The following CAVIN2 variants were observed in gnomAD, a reference collection of about 807,000 sequenced individuals.
CAVIN2 encodes caveolae associated protein 2.
CAVIN2 carries 13 observed loss-of-function variants against 11.7 expected under a neutral mutation model. The ratio of observed to expected loss-of-function variants is 1.11; its 90% CI spans 0.72 to 1.77. The LOEUF (loss-of-function observed/expected upper bound fraction) is 1.77. Among genes scored for constraint, CAVIN2 ranks in the 40% most tolerant of loss-of-function variants. The pLI is 0.00. For synonymous variants in CAVIN2, 237 were observed against 223.2 expected, an observed-to-expected ratio of 1.06 and a Z score of -0.55; for missense variants, 549 against 542.9, an observed-to-expected ratio of 1.01 and a Z score of -0.11.
Position 191,835,961 on chromosome 2 carries a change from C to T in CAVIN2, c.1240G>A (p.Val414Met), listed in dbSNP as rs1209249771. 6 of 1,613,670 alleles carry T rather than the reference C, an allele frequency of 3.7e-6. No homozygotes were observed. The highest frequency in any genetic ancestry group is 5.1e-6 in the Non-Finnish European group (6 of 1,179,980). The change falls in exon 2 of 2, where the codon GTG becomes ATG. Residue 414 changes from valine (V) to methionine (M), a missense_variant. Physicochemically the swap from Val to Met is conservative, Grantham distance 21 (BLOSUM62 1). Coordinates refer to ENST00000304141, the MANE Select transcript of CAVIN2 (RefSeq NM_004657.6). ...EEAERSDGDP[V>M]QPAVLQVHQT... ...TGCACCTGGAGCACGGCGGGCTGCA[C>T]GGGGTCCCCATCGGAGCGCTCCGCC...
Position 191,846,655 on chromosome 2 carries a change from T to A in CAVIN2, c.271A>T (p.Lys91Ter). The A allele has an allele frequency of 6.2e-7, 1 of 1,614,192 alleles. No individual in the cohort carries two copies. The highest frequency in any genetic ancestry group is 8.5e-7 in the Non-Finnish European group (1 of 1,180,022). Residue 91 changes from lysine (K) to a stop codon, truncating the protein, a stop_gained, in exon 1 of 2, where the codon AAG becomes TAG. Transcript: ENST00000304141. LOFTEE classifies it high-confidence loss of function. ...TTGGTGAGGTCATTCTGGATGCCCT[T>A]CACGGAGCCCTCCAAACTGATCTGT... ...QRQISLEGSVKGIQNDLTKLS... is the reference protein window; with the variant it reads ...QRQISLEGSV
At chr2:191,845,486 G>A (rs916700019) in intron 1 of CAVIN2, among the ~76,000 whole-genome samples, 2 of 152,198 alleles carry the variant, frequency 1.3e-5, no homozygotes, top group Non-Finnish European at 2.9e-5. Context: ...CAGCCCTGGA[G>A]CGAGGATGGC....
At position 191,846,837 on chromosome 2, in the gene CAVIN2, G is replaced by C. The variant is rs1690176150; in HGVS notation, c.89C>G (p.Pro30Arg). The change falls in exon 1 of 2, where the codon CCT becomes CGT. Residue 30 changes from proline (P) to arginine (R), a missense_variant. Pro to Arg is a moderately radical substitution (Grantham distance 103, BLOSUM62 -2). Transcript: ENST00000304141. ...CAGGCTGGGGCTTGGTGTGGAGGAA[G>C]GCATCGGGCTGGGGCTCGAGGGCTT... is the stretch of plus-strand genomic sequence containing the variant. ...QEKPSSPSPM[P>R]SSTPSPSLNL... 1.9e-6 allele frequency: 3 copies of C among 1,614,254 alleles called. No homozygotes were observed. The highest frequency in any genetic ancestry group is 2.5e-6 in the Non-Finnish European group (3 of 1,180,038).
rs1329260145 is a variant in CAVIN2, at chr2:191,846,831, G to A, written c.95C>T (p.Ser32Phe). 1.9e-6 allele frequency: 3 copies of A among 1,614,220 alleles called. No individual in the cohort carries two copies. In the South Asian group the frequency reaches 3.3e-5, roughly 18 times the overall value. ...TAGGTTCAGGCTGGGGCTTGGTGTG[G>A]AGGAAGGCATCGGGCTGGGGCTCGA... Reference protein sequence around the residue: ...KPSSPSPMPSSTPSPSLNLGN... With the variant: ...KPSSPSPMPSFTPSPSLNLGN... The change falls in exon 1 of 2, where the codon TCC becomes TTC. Residue 32 changes from serine to phenylalanine, a missense_variant. Ser to Phe is a radical substitution (Grantham distance 155, BLOSUM62 -2). Coordinates refer to ENST00000304141, the MANE Select transcript of CAVIN2 (RefSeq NM_004657.6).
At position 191,834,938 on chromosome 2, in the gene CAVIN2, T is replaced by C. The variant is rs1689990319; in HGVS notation, c.*985A>G. 1 of 152,014 alleles carries C rather than the reference T, an allele frequency of 6.6e-6. No homozygotes were observed. The allele number at this position is 152,014 out of a possible 1,614,324, so 9.4% of individuals were successfully genotyped here. A position where few individuals can be genotyped will look rare whatever the true frequency, so the allele number is the denominator to read the frequency against. Reference sequence around the variant, plus strand: ...AGCTAAGTTTCCACAAAACAGTATATATTAATTGTATTTTGAAGATTTATA... The same window carrying C: ...AGCTAAGTTTCCACAAAACAGTATACATTAATTGTATTTTGAAGATTTATA... On this transcript the variant is annotated 3_prime_UTR_variant, in exon 2 of 2. Transcript: ENST00000304141.
rs116535615 is a variant in CAVIN2, at chr2:191,846,545, C to T, written c.381G>A (p.Ala127=). 2.5e-6 allele frequency: 4 copies of T among 1,614,224 alleles called. No homozygotes were observed. The highest frequency in any genetic ancestry group is 2.2e-5 in the East Asian group (1 of 44,886). The part of the protein sequence containing the change: ...KSRKVSAHTR[A]VKERMDRQCA... ...ACTGCCTATCCATGCGCTCTTTGACCGCGCGCGTGTGGGCGCTGACCTTGC... is the reference window on the plus strand; with the variant it reads ...ACTGCCTATCCATGCGCTCTTTGACTGCGCGCGTGTGGGCGCTGACCTTGC... The change falls in exon 1 of 2, where the codon GCG becomes GCA. Residue 127 remains alanine (A), a synonymous_variant. Coordinates refer to ENST00000304141, the MANE Select transcript of CAVIN2 (RefSeq NM_004657.6).
chr2:191,839,294 A>G (rs1690061743), intron 1 of CAVIN2, among the ~76,000 whole-genome samples: 1 of 152,262 alleles, frequency 6.6e-6, no homozygotes, highest in Non-Finnish European at 1.5e-5. Context: ...AGTAAGTTGT[A>G]TAACTTCCCT....
intron 1 of CAVIN2, among the ~76,000 whole-genome samples, chr2:191,837,677 C>T (rs1690042464): frequency 6.6e-6 from 1 of 152,172 alleles, no homozygotes; most frequent in Admixed American, 6.5e-5. Context: ...GATGGTGTTG[C>T]AACATTGCTC....
At chr2:191,842,068 G>A (rs959056723) in intron 1 of CAVIN2, among the ~76,000 whole-genome samples, 1 of 152,164 alleles carries the variant, frequency 6.6e-6, no homozygotes, top group Admixed American at 6.5e-5. Context: ...TAATGTAACA[G>A]TCTTCAAAGC....
chr2:191,836,169 G>A lies in CAVIN2; in HGVS notation c.1032C>T (p.Ser344=), dbSNP rs1332181392. The stretch of plus-strand genomic sequence containing the variant: ...CTGCAATTTCCCCTTCCACCAGAGC[G>A]CTGGCGAGGGACGCTTCGGAATGAC... ...AEGHSEASLA[S]ALVEGEIAEE... is the part of the protein sequence containing the mutation. Residue 344 remains serine (S), a synonymous_variant, in exon 2 of 2, where the codon AGC becomes AGT. Transcript: ENST00000304141. 7 of 1,614,006 alleles carry A rather than the reference G, an allele frequency of 4.3e-6. No individual in the cohort carries two copies. Among genetic ancestry groups the A allele is most frequent in the African/African-American group, 1.3e-5 (1 of 74,914 alleles).
intron 1 of CAVIN2, among the ~76,000 whole-genome samples, chr2:191,839,172 A>C (rs1690060277): frequency 6.6e-6 from 1 of 152,228 alleles, no homozygotes; most frequent in Non-Finnish European, 1.5e-5. Context: ...ATGTCATTAA[A>C]AGTCCTCAGT....
At chr2:191,842,970 T>C (rs1690114282) in intron 1 of CAVIN2, among the ~76,000 whole-genome samples, 1 of 152,330 alleles carries the variant, frequency 6.6e-6, no homozygotes, top group East Asian at 1.9e-4. Flanking sequence ...GATCACCTGA[T>C]GTCAGGAGTT....
intron 1 of CAVIN2, among the ~76,000 whole-genome samples, chr2:191,838,477 A>G (rs1690051489): frequency 6.6e-6 from 1 of 152,192 alleles, no homozygotes; most frequent in African/African-American, 2.4e-5. Context: ...AGTCCAATTA[A>G]ATAGAATTCC....
intron 1 of CAVIN2, among the ~76,000 whole-genome samples, chr2:191,840,221 GAGA>G (rs1373883346): frequency 6.6e-6 from 1 of 152,198 alleles, no homozygotes; most frequent in African/African-American, 2.4e-5. Flanking sequence ...GATTTCAAGA[GAGA>G]AGATCAAGTA....
chr2:191,837,492 T>C (rs1453762135), intron 1 of CAVIN2, among the ~76,000 whole-genome samples: 1 of 152,196 alleles, frequency 6.6e-6, no homozygotes, highest in East Asian at 1.9e-4. Context: ...AGAGCTTCTT[T>C]GGGCAAGAAT....
At chr2:191,844,425 C>G (rs542359805) in intron 1 of CAVIN2, among the ~76,000 whole-genome samples, 1 of 152,274 alleles carries the variant, frequency 6.6e-6, no homozygotes, top group African/African-American at 2.4e-5. Flanking sequence ...AATAAAGGAT[C>G]TTACACGGCT....
intron 1 of CAVIN2, among the ~76,000 whole-genome samples, chr2:191,840,089 C>A (rs557373595): frequency 6.6e-6 from 1 of 152,188 alleles, no homozygotes; most frequent in African/African-American, 2.4e-5. Context: ...CAAGCTCCCC[C>A]ACACACCTCG....
At chr2:191,842,417 C>T (rs1559030461) in intron 1 of CAVIN2, among the ~76,000 whole-genome samples, 3 of 152,194 alleles carry the variant, frequency 2.0e-5, no homozygotes, top group Non-Finnish European at 2.9e-5. Context: ...GGGCCAGTTA[C>T]CTGTGAAATT....
chr2:191,842,956 G>C (rs926399071), intron 1 of CAVIN2, among the ~76,000 whole-genome samples: 20 of 152,226 alleles, frequency 1.3e-4, no homozygotes, highest in African/African-American at 4.3e-4. Context: ...GACTGAGGCG[G>C]ATGGATCACC....
Sources: allele counts gnomAD v4.1 joint callset (sites outside exome capture counted in the v4.1 genomes callset), GRCh38; gene constraint gnomAD v4.1.1; transcripts MANE v1.5; gene names NCBI Gene and HGNC (gene_info 2026-07-23, HGNC 2026-07-21).